SHB: variants seen among roughly 807,000 people sequenced by gnomAD.
SHB encodes the protein SH2 domain containing adaptor protein B, also known as SH2 domain-containing adapter protein B.
SHB carries 20 observed loss-of-function variants against 52.3 expected under a neutral mutation model. The ratio of observed to expected loss-of-function variants is 0.38; its 90% CI spans 0.27 to 0.56. SHB has a LOEUF of 0.56. Ranked by LOEUF, SHB falls within the 20% of genes least tolerant of loss-of-function variation. The pLI is 0.71. For missense variants in SHB, 825 were observed against 723.3 expected, an observed-to-expected ratio of 1.14 and a Z score of -1.61; for synonymous variants, 397 against 316.5, an observed-to-expected ratio of 1.25 and a Z score of -2.70.
At chr9:37,979,613 C>T (rs1305001025) in intron 2 of SHB, among the ~76,000 whole-genome samples, 1 of 151,168 alleles carries the variant, frequency 6.6e-6, no homozygotes, top group Non-Finnish European at 1.5e-5. Context: ...CAACTTAGTG[C>T]CTCCCTGAAA....
In SHB at chr9:38,023,375, T is replaced by G. The variant is rs140819994; in HGVS notation, c.718-7244A>C. Among the ~76,000 whole-genome samples the G allele has an allele frequency of 2.1e-3, 322 of 152,310 alleles. 5 individuals are homozygous for G. The highest frequency in any genetic ancestry group is 0.016 in the Admixed American group (252 of 15,306). On this transcript the variant is annotated intron_variant, in intron 1 of 5. Coordinates refer to ENST00000377707, the MANE Select transcript of SHB (RefSeq NM_003028.3). ...ACGTTGTAAGGAGCAAATAATCAGA[T>G]GATCCAAGGATGTGTCAGTAATTTA...
At chr9:37,962,228 C>T (rs1373370397) in intron 3 of SHB, among the ~76,000 whole-genome samples, 2 of 152,182 alleles carry the variant, frequency 1.3e-5, no homozygotes, top group African/African-American at 2.4e-5. Context: ...TGATACAATG[C>T]CTGTATCAGA....
chr9:37,969,458 T>A (rs1820567935), intron 3 of SHB, among the ~76,000 whole-genome samples: 1 of 152,182 alleles, frequency 6.6e-6, no homozygotes, highest in Non-Finnish European at 1.5e-5. Flanking sequence ...ACAATGCCAG[T>A]ACTTTCCTGA....
chr9:37,955,779 C>T (rs1434899262), intron 4 of SHB, 104 bp downstream of exon 4: 21 of 1,160,566 alleles, frequency 1.8e-5, no homozygotes, highest in East Asian at 1.5e-4. Flanking sequence ...TGAGCCACCA[C>T]GCCCGGCCCA....
chr9:37,967,625 A>G (rs1424319426), intron 3 of SHB, among the ~76,000 whole-genome samples: 1 of 152,164 alleles, frequency 6.6e-6, no homozygotes, highest in Non-Finnish European at 1.5e-5. Flanking sequence ...TGTACCCTCT[A>G]TGTTCTCAAA....
At chr9:37,943,719 A>G (rs1338311870) in intron 5 of SHB, among the ~76,000 whole-genome samples, 2 of 152,148 alleles carry the variant, frequency 1.3e-5, no homozygotes, top group Non-Finnish European at 2.9e-5. Flanking sequence ...TCCCTGCTCC[A>G]TGAGGGCAGA....
At chr9:38,057,677 G>A (rs966282691) in intron 1 of SHB, among the ~76,000 whole-genome samples, 2 of 152,196 alleles carry the variant, frequency 1.3e-5, no homozygotes, top group Non-Finnish European at 2.9e-5. Flanking sequence ...TTCTGGGAGT[G>A]CACATCCAAC....
At chr9:38,025,496 C>T (rs1465614387) in intron 1 of SHB, among the ~76,000 whole-genome samples, 4 of 152,198 alleles carry the variant, frequency 2.6e-5, no homozygotes, top group South Asian at 2.1e-4. Flanking sequence ...CAGCCCTGGT[C>T]GCGAAGAGTA....
intron 1 of SHB, among the ~76,000 whole-genome samples, chr9:38,042,265 G>GT (rs1482896960): frequency 6.6e-6 from 1 of 152,248 alleles, no homozygotes; most frequent in Non-Finnish European, 1.5e-5. Flanking sequence ...CCGGGACACA[G>GT]TAAGAGCTCA....
chr9:38,049,557 G>A (rs1006005661), intron 1 of SHB, among the ~76,000 whole-genome samples: 1 of 149,758 alleles, frequency 6.7e-6, no homozygotes, highest in African/African-American at 2.5e-5. Context: ...GTTGCAGTGA[G>A]CTATCGCACC....
At chr9:38,036,771 G>A (rs1376486831) in intron 1 of SHB, among the ~76,000 whole-genome samples, 3 of 152,198 alleles carry the variant, frequency 2.0e-5, no homozygotes, top group Non-Finnish European at 2.9e-5. Flanking sequence ...AATACTGAGA[G>A]CAGCTACCAG....
chr9:37,982,321 C>T (rs1009349404), intron 2 of SHB, among the ~76,000 whole-genome samples: 15 of 151,920 alleles, frequency 9.9e-5, no homozygotes, highest in Admixed American at 2.6e-4. Context: ...GGTAAAACCC[C>T]GTCTCTACTA....
chr9:38,028,121 C>T (rs1450451657), intron 1 of SHB, among the ~76,000 whole-genome samples: 2 of 152,082 alleles, frequency 1.3e-5, no homozygotes, highest in Non-Finnish European at 2.9e-5. Context: ...CAGGCTGCCT[C>T]CCCTCCCAAA....
intron 2 of SHB, among the ~76,000 whole-genome samples, chr9:38,002,333 C>T (rs1587238395): frequency 6.6e-6 from 1 of 152,274 alleles, no homozygotes; most frequent in African/African-American, 2.4e-5. Context: ...CCATACGTGT[C>T]CTGAAACAAA....
At chr9:37,978,995 G>C (rs1400255985) in intron 2 of SHB, among the ~76,000 whole-genome samples, 1 of 152,168 alleles carries the variant, frequency 6.6e-6, no homozygotes. Context: ...TCTCTCCTGG[G>C]AGAGGCTCAC....
intron 2 of SHB, among the ~76,000 whole-genome samples, chr9:38,007,763 AC>A (rs1446272236): frequency 6.6e-6 from 1 of 152,220 alleles, no homozygotes; most frequent in East Asian, 1.9e-4. Flanking sequence ...GAGACAGACA[AC>A]AAACAAGGGA....
rs1001135057 is a variant in SHB at position 38,040,400 on chromosome 9, G to A, written c.718-24269C>T. On this transcript the variant is annotated intron_variant, in intron 1 of 5. Transcript: ENST00000377707. ...GAATGCCGGCCGTTATCCCTAAAGG[G>A]GGGGCTTGGGAAGGGAGGCCTCCCC... is the stretch of plus-strand genomic sequence containing the variant. Among the ~76,000 whole-genome samples the A allele has an allele frequency of 3.3e-5, 5 of 152,212 alleles. No homozygotes were observed. In the South Asian group the frequency reaches 8.3e-4, roughly 25 times the overall value.
chr9:38,050,745 TA>T (rs1158838004), intron 1 of SHB, among the ~76,000 whole-genome samples: 1 of 152,166 alleles, frequency 6.6e-6, no homozygotes, highest in African/African-American at 2.4e-5. Flanking sequence ...AGAAATCCAA[TA>T]CTCTTAAGTG....
intron 2 of SHB, among the ~76,000 whole-genome samples, chr9:37,996,021 C>T (rs1820942963): frequency 6.6e-6 from 1 of 152,146 alleles, no homozygotes. Flanking sequence ...CAGAAAGCTC[C>T]CACTGTTTAA....
Sources: allele counts gnomAD v4.1 joint callset (sites outside exome capture counted in the v4.1 genomes callset), GRCh38; gene constraint gnomAD v4.1.1; transcripts MANE v1.5; gene names NCBI Gene and HGNC (gene_info 2026-07-23, HGNC 2026-07-21).